MYO7B: variants seen among roughly 807,000 people sequenced by gnomAD.
MYO7B encodes myosin VIIB, also known as unconventional myosin-VIIb.
In MYO7B, 212 loss-of-function variants were observed where a neutral mutation model predicts 259.7. The ratio of observed to expected loss-of-function variants is 0.82; its 90% CI spans 0.73 to 0.91. MYO7B has a LOEUF of 0.91. Among genes scored for constraint, MYO7B ranks in the 40% least tolerant of loss-of-function variants. MYO7B has a pLI of 0.00. For synonymous variants in MYO7B, 1,197 were observed against 1,166.4 expected, an observed-to-expected ratio of 1.03 and a Z score of -0.54; for missense variants, 2,732 against 2,813.5, an observed-to-expected ratio of 0.97 and a Z score of 0.66.
intron 28 of MYO7B, among the ~76,000 whole-genome samples, 190 bp downstream of exon 28, chr2:127,622,291 A>AC (rs1388520364): frequency 6.6e-6 from 1 of 151,890 alleles, no homozygotes; most frequent in African/African-American, 2.4e-5. Flanking sequence ...CCCAGGCGTG[A>AC]CCCCCATCTC....
Position 127,628,682 on chromosome 2 carries a change from CT to C in MYO7B, c.4624+150del. 2 of 861,690 alleles carry C rather than the reference CT, an allele frequency of 2.3e-6. No homozygotes were observed. The highest frequency in any genetic ancestry group is 3.5e-6 in the Non-Finnish European group (2 of 571,214). The allele number at this position is 861,690 out of a possible 1,614,324, so 53.4% of individuals were successfully genotyped here. A position where few individuals can be genotyped will look rare whatever the true frequency, so the allele number is the denominator to read the frequency against. On this transcript the variant is annotated intron_variant, in intron 34 of 47. Transcript: ENST00000409816. This position sits in a 1 kb window ranked among gnomAD's most constrained non-coding sequence, Gnocchi z 4.8. Reference sequence around the variant, plus strand: ...AGGCCCCAAAGCTCTGTGGGGGCAGCTTTAGGCAAGGCCCTGCCTTCTTTCA... The same window carrying C: ...AGGCCCCAAAGCTCTGTGGGGGCAGCTTAGGCAAGGCCCTGCCTTCTTTCA...
intron 27 of MYO7B, 147 bp downstream of exon 27, chr2:127,620,613 C>T (rs1573704067): frequency 5.8e-6 from 6 of 1,041,462 alleles, no homozygotes; most frequent in Middle Eastern, 3.4e-4. Flanking sequence ...CATGCCTATG[C>T]TTCTCCAGGA....
In MYO7B at chr2:127,573,916, T is replaced by A; in HGVS notation, c.593-4T>A. ...CATCATGGGCATCGCCCGCTTACCTTCAGCCTTTGGAAATGCCAAGACAAT... is the reference window on the plus strand; with the variant it reads ...CATCATGGGCATCGCCCGCTTACCTACAGCCTTTGGAAATGCCAAGACAAT... On this transcript the variant is annotated splice_polypyrimidine_tract_variant and splice_region_variant and intron_variant, in intron 6 of 47. Coordinates refer to ENST00000409816, the MANE Select transcript of MYO7B (RefSeq NM_001393586.1). The A allele has an allele frequency of 6.2e-7, 1 of 1,614,062 alleles. No homozygotes were observed. The highest frequency in any genetic ancestry group is 8.5e-7 in the Non-Finnish European group (1 of 1,179,894).
intron 19 of MYO7B, among the ~76,000 whole-genome samples, chr2:127,598,753 G>T (rs914743609): frequency 2.0e-5 from 3 of 152,108 alleles, no homozygotes; most frequent in African/African-American, 7.2e-5. Flanking sequence ...TAATTTTTGT[G>T]TAGAGCGTGA....
intron 27 of MYO7B, among the ~76,000 whole-genome samples, chr2:127,621,012 G>A (rs535327730): frequency 6.6e-6 from 1 of 152,224 alleles, no homozygotes; most frequent in South Asian, 2.1e-4. Context: ...CTGGCCTTTT[G>A]TGGTGTTACA....
At position 127,635,711 on chromosome 2, in the gene MYO7B, C is replaced by A; in HGVS notation, c.5821-11C>A. 6.3e-7 allele frequency: 1 copy of A among 1,594,850 alleles called. No homozygotes were observed. The highest frequency in any genetic ancestry group is 1.3e-5 in the African/African-American group (1 of 74,558). On this transcript the variant is annotated splice_polypyrimidine_tract_variant and intron_variant, in intron 43 of 47. Transcript: ENST00000409816. ...TGGAGACCCAGCATGCCCAGTGTGT[C>A]CATCACCCAGGAGCTGCCCAAGTAC... is the stretch of plus-strand genomic sequence containing the variant.
At chr2:127,572,170 G>A (rs1678661744) in intron 6 of MYO7B, among the ~76,000 whole-genome samples, 1 of 152,206 alleles carries the variant, frequency 6.6e-6, no homozygotes, top group Admixed American at 6.5e-5. Context: ...AGTAATCCCA[G>A]AACTTTGGGA....
intron 12 of MYO7B, among the ~76,000 whole-genome samples, chr2:127,583,666 G>C (rs1332958005): frequency 6.6e-6 from 1 of 152,194 alleles, no homozygotes; most frequent in Non-Finnish European, 1.5e-5. Flanking sequence ...GGAGTTCTGG[G>C]AACAGGGGCA....
Position 127,590,144 on chromosome 2 carries a change from C to T in MYO7B, c.1907C>T (p.Ser636Phe), listed in dbSNP as rs756237602. 6.2e-7 allele frequency: 1 copy of T among 1,609,814 alleles called. No homozygotes were observed. The highest frequency in any genetic ancestry group is 8.5e-7 in the Non-Finnish European group (1 of 1,178,620). Residue 636 changes from serine (S) to phenylalanine (F), a missense_variant, in exon 16 of 48, where the codon TCT becomes TTT. Ser to Phe is a radical substitution (Grantham distance 155). Transcript: ENST00000409816. This position sits in a 1 kb window ranked among gnomAD's most constrained non-coding sequence, Gnocchi z 4.6. ...ACCTTAGGAAGCCAGTTCAAACAGT[C>T]TCTGGACCAGCTGATGAAAATCCTG... is the stretch of plus-strand genomic sequence containing the variant. ...PSTLGSQFKQ[S>F]LDQLMKILTN... is the part of the protein sequence containing the mutation.
intron 18 of MYO7B, among the ~76,000 whole-genome samples, chr2:127,596,258 G>A (rs1004829713): frequency 6.6e-6 from 1 of 152,210 alleles, no homozygotes; most frequent in African/African-American, 2.4e-5. Flanking sequence ...AGCTAATGTG[G>A]GAAGTTCTTG....
At position 127,586,723 on chromosome 2, in the gene MYO7B, T is replaced by G. The variant is rs951917885; in HGVS notation, c.1691-1669T>G. On this transcript the variant is annotated intron_variant, in intron 14 of 47. Coordinates refer to ENST00000409816, the MANE Select transcript of MYO7B (RefSeq NM_001393586.1). The surrounding 1 kb of genome is among the most constrained non-coding windows in gnomAD (Gnocchi z 4.8). ...ATTAAGGTCGATTCTTTCTAGACTT[T>G]CTGGTTGCAGAAATATTAATTAAAA... Among the ~76,000 whole-genome samples the G allele has an allele frequency of 1.3e-5, 2 of 152,226 alleles. No individual in the cohort carries two copies. The highest frequency in any genetic ancestry group is 4.8e-5 in the African/African-American group (2 of 41,462).
rs201912936 is a variant in MYO7B at position 127,632,379 on chromosome 2, C to T, written c.5383C>T (p.Arg1795Cys). Residue 1795 changes from arginine to cysteine, a missense_variant, in exon 39 of 48, where the codon CGC (arginine) becomes TGC (cysteine). Physicochemically the swap from Arg to Cys is radical, Grantham distance 180 (BLOSUM62 -3). This residue lies in a region of MYO7B where 821 missense variants were observed against 769.3 expected (regional missense o/e 1.07). Transcript: ENST00000409816. ...GAAGCTGCTGGCCCCCGACTGCAGC[C>T]GCCGAATCCAGAAGGTCCTGAGGTG... ...RGKLLAPDCS[R>C]RIQKVLRTGP... 1.4e-4 allele frequency: 223 copies of T among 1,575,816 alleles called. No individual in the cohort carries two copies. The highest frequency in any genetic ancestry group is 1.8e-4 in the Non-Finnish European group (210 of 1,160,542).
chr2:127,630,758 C>T lies in MYO7B; in HGVS notation c.4807-20C>T, dbSNP rs114608656. The T allele has an allele frequency of 1.4e-3, 2,231 of 1,611,654 alleles. 32 individuals are homozygous for T. The African/African-American group carries it at 0.027, about 19-fold the overall frequency. ...ATGGGCGGTGGCTCCTGGGCACCCA[C>T]AGGCCTGTGCCCCCTTCAGAGCTTG... On this transcript the variant is annotated intron_variant, in intron 35 of 47. Transcript: ENST00000409816.
intron 38 of MYO7B, 97 bp from the exon 39 acceptor site, chr2:127,632,149 C>G: frequency 7.0e-7 from 1 of 1,418,886 alleles, no homozygotes; most frequent in Non-Finnish European, 9.5e-7. Context: ...CCCTCTAGAC[C>G]CCAGGCAGCT....
chr2:127,627,985 C>A lies in MYO7B; in HGVS notation c.4461-387C>A, dbSNP rs1302706883. 1 of 472,726 alleles carries A rather than the reference C, an allele frequency of 2.1e-6. No individual in the cohort carries two copies. The highest frequency in any genetic ancestry group is 6.5e-5 in the East Asian group (1 of 15,278). 29.3% of individuals were successfully genotyped at this position (472,726 alleles called of 1,614,324 possible). A position where few individuals can be genotyped will look rare whatever the true frequency, so the allele number is the denominator to read the frequency against. ...TGCCACGAAGTACCGACAGCATCAC[C>A]CATTCTGCAGATGAGCGGATGAGTA... On this transcript the variant is annotated intron_variant, in intron 33 of 47. Transcript: ENST00000409816. This position sits in a 1 kb window ranked among gnomAD's most constrained non-coding sequence, Gnocchi z 5.6.
intron 1 of MYO7B, among the ~76,000 whole-genome samples, chr2:127,557,551 G>A (rs1048335346): frequency 1.3e-5 from 2 of 152,114 alleles, no homozygotes; most frequent in African/African-American, 4.8e-5. Flanking sequence ...GGGAAGTTCT[G>A]GGACTCAAGG....
chr2:127,550,372 C>T (rs1374090229), intron 1 of MYO7B, among the ~76,000 whole-genome samples: 2 of 152,104 alleles, frequency 1.3e-5, no homozygotes, highest in Non-Finnish European at 2.9e-5. Context: ...TCAAGACCAG[C>T]CTGGCCAACA....
In MYO7B at chr2:127,623,350, C is replaced by T; in HGVS notation, c.3794C>T (p.Ser1265Phe). 2 of 1,602,606 alleles carry T rather than the reference C, an allele frequency of 1.2e-6. No homozygotes were observed. The highest frequency in any genetic ancestry group is 1.7e-6 in the Non-Finnish European group (2 of 1,174,470). ...GGCCTCAGCGACCACCTGGGCTTCTCCCTCCAGGTCGCCGTGTACGACAAG... is the reference window on the plus strand; with the variant it reads ...GGCCTCAGCGACCACCTGGGCTTCTTCCTCCAGGTCGCCGTGTACGACAAG... ...KQGLSDHLGF[S>F]LQVAVYDKFW... The change falls in exon 29 of 48, where the codon TCC becomes TTC. Residue 1265 changes from serine to phenylalanine, a missense_variant. Physicochemically the swap from Ser to Phe is radical, Grantham distance 155. Around this residue, in one of 3 missense-constraint regions of MYO7B, gnomAD observed 1,906 missense variants for 2,026.4 expected, o/e 0.94. Transcript: ENST00000409816.
Position 127,566,699 on chromosome 2 carries a change from C to T in MYO7B, c.342C>T (p.Tyr114=). The T allele has an allele frequency of 6.2e-7, 1 of 1,609,972 alleles. No homozygotes were observed. Among genetic ancestry groups the T allele is most frequent in the African/African-American group, 1.3e-5 (1 of 75,036 alleles). The change falls in exon 5 of 48, where the codon TAC becomes TAT. Residue 114 remains tyrosine (Y), a synonymous_variant. Transcript: ENST00000409816. The stretch of plus-strand genomic sequence containing the variant: ...ACCCGTTCCAGGTGCTGCCGCTCTA[C>T]ACCCTGGAGCAGGTACAGCTCTACT... ...AVNPFQVLPL[Y]TLEQVQLYYS...
Sources: gnomAD v4.1 joint callset for allele counts (sites outside exome capture counted in the v4.1 genomes callset) on GRCh38, gnomAD v4.1.1 for gene constraint, gnomAD v4.1.1 regional missense constraint, Gnocchi (gnomAD v3.1) non-coding constraint, MANE v1.5 for transcripts, NCBI Gene and HGNC (gene_info 2026-07-23, HGNC 2026-07-21) for gene names.